The following GADL1 variants were observed in gnomAD, a reference collection of about 807,000 sequenced individuals.
GADL1 encodes the protein GAD like acidic amino acid decarboxylase 1.
A neutral mutation model predicts 69.5 loss-of-function variants in GADL1; 71 were observed. That is an observed-to-expected ratio of 1.02 (90% CI 0.84 to 1.25). The LOEUF (loss-of-function observed/expected upper bound fraction) is 1.25. Ranked by LOEUF, GADL1 falls within the 50% of genes most tolerant of loss-of-function variation. The pLI is 0.00. For missense variants in GADL1, 737 were observed against 631.8 expected, an observed-to-expected ratio of 1.17 and a Z score of -1.79; for synonymous variants, 254 against 214.4, an observed-to-expected ratio of 1.18 and a Z score of -1.62.
intron 14 of GADL1, among the ~76,000 whole-genome samples, chr3:30,758,435 T>C (rs795452): frequency 0.99 from 150,880 of 152,088 alleles, 74,836 homozygotes; most frequent in Middle Eastern, 1. Flanking sequence ...CTTCCCCTCT[T>C]CTCAGGAAGA....
Position 30,839,993 on chromosome 3 carries a change from G to C in GADL1, c.787-880C>G, listed in dbSNP as rs575621029. 8.5e-5 allele frequency among the ~76,000 whole-genome samples: 13 copies of C among 152,190 alleles called. No homozygotes were observed. In the East Asian group the frequency reaches 2.3e-3, roughly 27 times the overall value. Reference sequence around the variant, plus strand: ...TGGTGGTAGAGATGTGTTGCTCGCTGTGTAGGTGAAGTTTGCAGACAAATG... The same window carrying C: ...TGGTGGTAGAGATGTGTTGCTCGCTCTGTAGGTGAAGTTTGCAGACAAATG... On this transcript the variant is annotated intron_variant, in intron 8 of 14. Coordinates refer to ENST00000282538, the MANE Select transcript of GADL1 (RefSeq NM_207359.3).
intron 11 of GADL1, 137 bp downstream of exon 11, chr3:30,833,716 G>T (rs1223228165): frequency 1.3e-5 from 8 of 637,882 alleles, no homozygotes; most frequent in Non-Finnish European, 2.3e-5. Context: ...TTCATGTAGA[G>T]ACCATCAACA....
intron 8 of GADL1, among the ~76,000 whole-genome samples, chr3:30,842,807 TG>T: frequency 1.4e-5 from 2 of 138,490 alleles, no homozygotes; most frequent in African/African-American, 5.5e-5. Context: ...AAAGTTCACT[TG>T]TCATTGGAAT....
intron 14 of GADL1, among the ~76,000 whole-genome samples, chr3:30,756,013 G>A (rs1695961630): frequency 6.6e-6 from 1 of 152,066 alleles, no homozygotes; most frequent in Non-Finnish European, 1.5e-5. Flanking sequence ...ACCTCACCCA[G>A]GCCTCGCAGG....
At chr3:30,837,329 C>T (rs1697890691) in intron 9 of GADL1, among the ~76,000 whole-genome samples, 1 of 152,014 alleles carries the variant, frequency 6.6e-6, no homozygotes, top group South Asian at 2.1e-4. Context: ...ATTTGACACC[C>T]ACAATACTAA....
chr3:30,866,600 A>G (rs1427781134), intron 1 of GADL1, among the ~76,000 whole-genome samples: 8 of 152,098 alleles, frequency 5.3e-5, no homozygotes, highest in African/African-American at 1.9e-4. Context: ...CTGGTGAGTT[A>G]TCACCTCTGG....
intron 13 of GADL1, among the ~76,000 whole-genome samples, chr3:30,783,838 AATGACGATGGTAAGTGGTTTTTCTTTTCT>A (rs1197869591): frequency 6.6e-6 from 1 of 152,142 alleles, no homozygotes; most frequent in Non-Finnish European, 1.5e-5. Flanking sequence ...GCAATTTCCT[AATGACGATGGTAAGTGGTTTTTCTTTTCT>A]AAGACTTTAG....
At chr3:30,784,207 C>G (rs756464071) in intron 13 of GADL1, among the ~76,000 whole-genome samples, 28 of 152,148 alleles carry the variant, frequency 1.8e-4, no homozygotes, top group Admixed American at 1.3e-4. Context: ...CATCTAATAG[C>G]CAGTTCATAT....
intron 12 of GADL1, among the ~76,000 whole-genome samples, chr3:30,788,708 A>C (rs1436985444): frequency 6.6e-6 from 1 of 152,194 alleles, no homozygotes; most frequent in Non-Finnish European, 1.5e-5. Flanking sequence ...TTGCCAACTA[A>C]GTTTATGTAA....
intron 14 of GADL1, among the ~76,000 whole-genome samples, chr3:30,774,179 G>A (rs1696482500): frequency 6.6e-6 from 1 of 152,142 alleles, no homozygotes; most frequent in Admixed American, 6.5e-5. Flanking sequence ...TTTTGAGAGG[G>A]TTGCTACTGG....
intron 11 of GADL1, among the ~76,000 whole-genome samples, chr3:30,803,691 G>GT (rs1263508175): frequency 6.6e-6 from 1 of 152,162 alleles, no homozygotes; most frequent in Admixed American, 6.5e-5. Context: ...GTTTCCTAAA[G>GT]AACAACTGGA....
chr3:30,809,717 G>A (rs1183298578), intron 11 of GADL1, among the ~76,000 whole-genome samples: 1 of 152,044 alleles, frequency 6.6e-6, no homozygotes. Flanking sequence ...TAGTTTAGAG[G>A]TGGGATTGTA....
At chr3:30,833,966 G>A (rs1697832269) in intron 10 of GADL1, 32 bp from the exon 11 acceptor site, 1 of 1,484,976 alleles carries the variant, frequency 6.7e-7, no homozygotes, top group East Asian at 2.3e-5. Flanking sequence ...AGAGTAGGGA[G>A]AGGACTCAAT....
Position 30,757,513 on chromosome 3 carries a change from T to C in GADL1, c.1392+20666A>G, listed in dbSNP as rs1696004549. Among the ~76,000 whole-genome samples the C allele has an allele frequency of 2.0e-5, 3 of 152,256 alleles. No individual in the cohort carries two copies. In the South Asian group the frequency reaches 6.2e-4, roughly 31 times the overall value. On this transcript the variant is annotated intron_variant, in intron 14 of 14. Coordinates refer to ENST00000282538, the MANE Select transcript of GADL1 (RefSeq NM_207359.3). ...ATCCTTGCTCACAGAACTCTGGCTG[T>C]GTACAGCCTTAAAGCTAATGTAATG...
intron 14 of GADL1, among the ~76,000 whole-genome samples, chr3:30,772,977 G>A (rs1047279920): frequency 2.6e-5 from 4 of 151,804 alleles, no homozygotes; most frequent in Admixed American, 1.3e-4. Flanking sequence ...CTAGCAATGC[G>A]TCTAAACTTA....
At chr3:30,763,514 T>TGGGGGG (rs1559492043) in intron 14 of GADL1, among the ~76,000 whole-genome samples, 5 of 17,146 alleles carry the variant, frequency 2.9e-4, no homozygotes, top group South Asian at 2.5e-3. Context: ...CGGCGGGGGG[T>TGGGGGG]GGGGGTGGGG....
At chr3:30,777,419 T>C (rs1433144010) in intron 14 of GADL1, among the ~76,000 whole-genome samples, 1 of 152,170 alleles carries the variant, frequency 6.6e-6, no homozygotes, top group Non-Finnish European at 1.5e-5. Flanking sequence ...CTACATGTCA[T>C]GGCCACATAA....
At position 30,770,739 on chromosome 3, in the gene GADL1, C is replaced by G. The variant is rs935821178; in HGVS notation, c.1392+7440G>C. 2.0e-5 allele frequency among the ~76,000 whole-genome samples: 3 copies of G among 152,028 alleles called. No homozygotes were observed. The South Asian group carries it at 6.2e-4, about 32-fold the overall frequency. ...AGCCTGCAGAAATGCCAGCTTCATTCTTTATTTTAATTTTCAAGAGATAGG... is the reference window on the plus strand; with the variant it reads ...AGCCTGCAGAAATGCCAGCTTCATTGTTTATTTTAATTTTCAAGAGATAGG... On this transcript the variant is annotated intron_variant, in intron 14 of 14. Transcript: ENST00000282538.
Position 30,728,062 on chromosome 3 carries a change from C to T in GADL1, c.*180G>A. ...CTTTCTTCTTTTAGCAACAGTAATG[C>T]CCAGGCAGCTAGAGAGTCCTTAATA... On this transcript the variant is annotated 3_prime_UTR_variant, in exon 15 of 15. Coordinates refer to ENST00000282538, the MANE Select transcript of GADL1 (RefSeq NM_207359.3). 1.6e-5 allele frequency: 8 copies of T among 510,824 alleles called. No individual in the cohort carries two copies. Among genetic ancestry groups the T allele is most frequent in the East Asian group, 1.5e-4 (5 of 34,258 alleles). The allele number at this position is 510,824 out of a possible 1,614,324, so 31.6% of individuals were successfully genotyped here.
Sources: allele counts gnomAD v4.1 joint callset (sites outside exome capture counted in the v4.1 genomes callset), GRCh38; gene constraint gnomAD v4.1.1; transcripts MANE v1.5; gene names NCBI Gene and HGNC (gene_info 2026-07-23, HGNC 2026-07-21).